AFG1L: variants seen among roughly 807,000 people sequenced by gnomAD.
AFG1L encodes AFG1-like ATPase.
Under a neutral mutation model 62.2 loss-of-function variants are expected in AFG1L, and 53 were observed. The observed-to-expected ratio is 0.85, with a 90% confidence interval of 0.68 to 1.07. The LOEUF is 1.07. AFG1L is among the 50% of genes least tolerant of loss of function. The pLI, the probability that AFG1L is intolerant of heterozygous loss-of-function variation, is 0.00. For synonymous variants in AFG1L, 228 were observed against 210.3 expected (o/e 1.08, Z -0.73); for missense variants, 555 against 590.5 (o/e 0.94, Z 0.62).
At chr6:108,443,421 C>G (rs557861495) in intron 7 of AFG1L, among the ~76,000 whole-genome samples, 139 of 152,322 alleles carry the variant, frequency 9.1e-4, no homozygotes, top group African/African-American at 3.1e-3. Context: ...CCATTTCCAT[C>G]ATAGTCACAA....
At position 108,523,157 on chromosome 6, in the gene AFG1L, C is replaced by T. The variant is rs984500223; in HGVS notation, c.*732C>T. The T allele has an allele frequency of 6.4e-5, 6 of 94,476 alleles. No homozygotes were observed. Among genetic ancestry groups the T allele is most frequent in the African/African-American group, 2.1e-4 (5 of 24,090 alleles). 5.9% of individuals were successfully genotyped at this position (94,476 alleles called of 1,614,324 possible). Reference sequence around the variant, plus strand: ...AAACTCTGCAGCCAGGAATGGGGACCAGTGAGAGAGTGTGGGCGGGGGGGT... The same window carrying T: ...AAACTCTGCAGCCAGGAATGGGGACTAGTGAGAGAGTGTGGGCGGGGGGGT... On this transcript the variant is annotated 3_prime_UTR_variant, in exon 13 of 13. Transcript: ENST00000368977.
At chr6:108,300,201 T>C (rs962359525) in intron 1 of AFG1L, among the ~76,000 whole-genome samples, 13 of 151,974 alleles carry the variant, frequency 8.6e-5, no homozygotes, top group Non-Finnish European at 1.6e-4. Flanking sequence ...CAGGCTGGAA[T>C]GCAATGGTGC....
chr6:108,405,150 A>C (rs956932686), intron 7 of AFG1L, among the ~76,000 whole-genome samples: 1 of 152,180 alleles, frequency 6.6e-6, no homozygotes, highest in African/African-American at 2.4e-5. Context: ...GACTGCTTTA[A>C]AATCTTTATC....
chr6:108,436,506 C>G (rs1348928650), intron 7 of AFG1L, among the ~76,000 whole-genome samples: 1 of 152,148 alleles, frequency 6.6e-6, no homozygotes, highest in Admixed American at 6.6e-5. Context: ...CTCAGGAAAG[C>G]AAGCAAGTTT....
At chr6:108,326,431 G>A (rs1235978091) in intron 2 of AFG1L, among the ~76,000 whole-genome samples, 1 of 152,084 alleles carries the variant, frequency 6.6e-6, no homozygotes, top group Non-Finnish European at 1.5e-5. Context: ...TTGAGCTTTT[G>A]TTGAAATTCT....
chr6:108,494,501 C>T (rs1319438686), intron 10 of AFG1L, among the ~76,000 whole-genome samples: 1 of 151,804 alleles, frequency 6.6e-6, no homozygotes, highest in Non-Finnish European at 1.5e-5. Flanking sequence ...AAAAATCTGG[C>T]AGATTTAGGT....
chr6:108,352,113 C>G (rs1415582457), intron 3 of AFG1L, among the ~76,000 whole-genome samples: 4 of 152,178 alleles, frequency 2.6e-5, no homozygotes, highest in Non-Finnish European at 4.4e-5. Context: ...CAACAACATC[C>G]TATTCTACCT....
chr6:108,331,241 G>A lies in AFG1L; in HGVS notation c.363+7193G>A, dbSNP rs1422406469. On this transcript the variant is annotated intron_variant, in intron 2 of 12. Coordinates refer to ENST00000368977, the MANE Select transcript of AFG1L (RefSeq NM_145315.5). ...GTTGAGGCTGCAGTAAGCCGAGATC[G>A]TGCCACTGCACTCCAGCCTGGGCAA... Among the ~76,000 whole-genome samples the A allele has an allele frequency of 2.6e-5, 4 of 152,132 alleles. No homozygotes were observed. The South Asian group carries it at 6.2e-4, about 24-fold the overall frequency.
intron 5 of AFG1L, 35 bp from the exon 6 acceptor site, chr6:108,366,198 A>G (rs752025279): frequency 7.5e-7 from 1 of 1,339,402 alleles, no homozygotes; most frequent in Non-Finnish European, 1.1e-6. Context: ...AGCAGAAGTG[A>G]AATTAAAATA....
intron 7 of AFG1L, among the ~76,000 whole-genome samples, chr6:108,402,552 A>G (rs1280576219): frequency 6.6e-6 from 1 of 151,998 alleles, no homozygotes; most frequent in Non-Finnish European, 1.5e-5. Flanking sequence ...CAAAGACACT[A>G]AAGGAGAAAA....
chr6:108,383,952 G>A (rs1780651917), intron 6 of AFG1L, among the ~76,000 whole-genome samples: 1 of 150,362 alleles, frequency 6.7e-6, no homozygotes, highest in African/African-American at 2.5e-5. Flanking sequence ...TATTAAAAAC[G>A]AAAACCTCTT....
intron 10 of AFG1L, among the ~76,000 whole-genome samples, chr6:108,485,969 A>C (rs1238738301): frequency 6.6e-6 from 1 of 151,820 alleles, no homozygotes; most frequent in Non-Finnish European, 1.5e-5. Context: ...CACCATGCCC[A>C]TGGTCATTAA....
chr6:108,308,304 C>T (rs1038209867), intron 1 of AFG1L, among the ~76,000 whole-genome samples: 2 of 151,976 alleles, frequency 1.3e-5, no homozygotes, highest in Non-Finnish European at 1.5e-5. Flanking sequence ...CATGCGCCAC[C>T]ACACCCAGCT....
At chr6:108,329,658 T>C (rs1283360895) in intron 2 of AFG1L, among the ~76,000 whole-genome samples, 2 of 152,110 alleles carry the variant, frequency 1.3e-5, no homozygotes, top group African/African-American at 4.8e-5. Flanking sequence ...TGAAAAAAAG[T>C]ATATAAAACT....
intron 8 of AFG1L, among the ~76,000 whole-genome samples, chr6:108,455,307 A>G (rs193055922): frequency 9.7e-4 from 148 of 152,308 alleles, no homozygotes; most frequent in African/African-American, 3.5e-3. Context: ...TGGGGTTTTA[A>G]TAGAACTATT....
At chr6:108,360,159 C>T (rs75299273) in intron 5 of AFG1L, among the ~76,000 whole-genome samples, 4,377 of 152,210 alleles carry the variant, frequency 0.029, 94 homozygotes, top group South Asian at 0.055. Context: ...TGTACTCTAA[C>T]GGGGAAATAT....
chr6:108,445,926 G>C (rs1035319090), intron 7 of AFG1L, among the ~76,000 whole-genome samples: 1 of 152,044 alleles, frequency 6.6e-6, no homozygotes, highest in Non-Finnish European at 1.5e-5. Context: ...TTGGAAAATT[G>C]AGGCCAATAG....
At chr6:108,318,345 G>A (rs1777684770) in intron 1 of AFG1L, 1 of 392,484 alleles carries the variant, frequency 2.5e-6, no homozygotes. Context: ...CTGGCCATAA[G>A]AGATGCAAGC....
At chr6:108,327,460 T>C (rs1778093400) in intron 2 of AFG1L, among the ~76,000 whole-genome samples, 1 of 152,190 alleles carries the variant, frequency 6.6e-6, no homozygotes, top group Non-Finnish European at 1.5e-5. Flanking sequence ...AAGATCAAAG[T>C]GCTGGCAAAT....
Sources: gnomAD v4.1 joint callset for allele counts (sites outside exome capture counted in the v4.1 genomes callset) on GRCh38, gnomAD v4.1.1 for gene constraint, MANE v1.5 for transcripts, NCBI Gene and HGNC (gene_info 2026-07-23, HGNC 2026-07-21) for gene names.